The following IFT80 variants were observed in gnomAD, a reference collection of about 807,000 sequenced individuals.
IFT80 encodes intraflagellar transport protein 80 homolog.
A neutral mutation model predicts 107.9 loss-of-function variants in IFT80; 79 were observed. That is an observed-to-expected ratio of 0.73 (90% CI 0.61 to 0.88). IFT80 has a LOEUF of 0.88. Ranked by LOEUF, IFT80 falls within the 40% of genes least tolerant of loss-of-function variation. IFT80 has a pLI of 0.00. For synonymous variants in IFT80, 299 were observed against 300.9 expected (o/e 0.99, Z 0.07); for missense variants, 797 against 914.2 (o/e 0.87, Z 1.65).
At chr3:160,329,876 C>T (rs1718964635) in intron 8 of IFT80, among the ~76,000 whole-genome samples, 1 of 151,922 alleles carries the variant, frequency 6.6e-6, no homozygotes, top group African/African-American at 2.4e-5. Context: ...ATCCATGAAC[C>T]TAAGATGGGA....
intron 19 of IFT80, among the ~76,000 whole-genome samples, chr3:160,266,862 C>G (rs570464453): frequency 2.0e-5 from 3 of 152,078 alleles, no homozygotes; most frequent in African/African-American, 7.2e-5. Flanking sequence ...ATCAGATTAC[C>G]TGACCTTTGT....
chr3:160,335,641 C>A (rs1719414724), intron 8 of IFT80, among the ~76,000 whole-genome samples: 1 of 152,168 alleles, frequency 6.6e-6, no homozygotes, highest in African/African-American at 2.4e-5. Context: ...TTCCCTTAGG[C>A]AAATTTTCTT....
At chr3:160,330,304 C>A (rs539651661) in intron 8 of IFT80, among the ~76,000 whole-genome samples, 1 of 152,236 alleles carries the variant, frequency 6.6e-6, no homozygotes, top group South Asian at 2.1e-4. Context: ...GCCATTGTTT[C>A]AAGAGAAGAG....
chr3:160,398,486 G>A (rs1471982492), intron 1 of IFT80, among the ~76,000 whole-genome samples: 1 of 152,168 alleles, frequency 6.6e-6, no homozygotes, highest in Non-Finnish European at 1.5e-5. Context: ...TGAGCCAGTG[G>A]CTCTTTAACA....
intron 16 of IFT80, 44 bp downstream of exon 16, chr3:160,279,149 A>C: frequency 6.7e-7 from 1 of 1,502,798 alleles, no homozygotes; most frequent in Non-Finnish European, 9.2e-7. Context: ...AAGGTAAACT[A>C]CTATGAAATA....
chr3:160,292,475 CTTTTT>C (rs142116230), intron 12 of IFT80, among the ~76,000 whole-genome samples: 1 of 115,368 alleles, frequency 8.7e-6, no homozygotes, highest in Non-Finnish European at 1.7e-5. Context: ...AGAGAGATTC[CTTTTT>C]TTTTTTTTTT....
intron 15 of IFT80, among the ~76,000 whole-genome samples, chr3:160,280,021 C>T (rs1714564167): frequency 1.3e-5 from 2 of 152,082 alleles, no homozygotes; most frequent in South Asian, 4.2e-4. Context: ...TATTTTGATG[C>T]CTCTCTGGTT....
At chr3:160,267,468 A>C (rs752905146) in intron 19 of IFT80, among the ~76,000 whole-genome samples, 3 of 152,214 alleles carry the variant, frequency 2.0e-5, no homozygotes, top group Non-Finnish European at 4.4e-5. Flanking sequence ...GATATCATAC[A>C]TTTTTTGAAT....
At chr3:160,272,768 C>A (rs1258830576) in intron 18 of IFT80, among the ~76,000 whole-genome samples, 2 of 152,100 alleles carry the variant, frequency 1.3e-5, no homozygotes, top group East Asian at 3.8e-4. Flanking sequence ...ATATCCCACT[C>A]CCTACTGGGC....
chr3:160,392,753 A>C (rs1425994668), intron 1 of IFT80, among the ~76,000 whole-genome samples: 1 of 152,200 alleles, frequency 6.6e-6, no homozygotes, highest in Non-Finnish European at 1.5e-5. Context: ...TATGCTCACC[A>C]CAACAGCCCA....
In IFT80 at chr3:160,275,418, T is replaced by A. The variant is rs537574655; in HGVS notation, c.2099+1888A>T. 2.6e-5 allele frequency among the ~76,000 whole-genome samples: 4 copies of A among 152,334 alleles called. No homozygotes were observed. The East Asian group carries it at 7.7e-4, about 29-fold the overall frequency. ...ATTGTTTTTACTGGATTACTGTTTA[T>A]CTCTCTAATTATTTATCTTTGCAGA... On this transcript the variant is annotated intron_variant, in intron 18 of 19. Coordinates refer to ENST00000326448, the MANE Select transcript of IFT80 (RefSeq NM_020800.3).
chr3:160,262,220 G>A (rs1418214849), intron 19 of IFT80, among the ~76,000 whole-genome samples: 1 of 152,136 alleles, frequency 6.6e-6, no homozygotes, highest in Non-Finnish European at 1.5e-5. Context: ...GGAACTCTGG[G>A]TTACATAGCA....
At chr3:160,397,901 AG>A (rs1438430561) in intron 1 of IFT80, among the ~76,000 whole-genome samples, 2 of 151,738 alleles carry the variant, frequency 1.3e-5, no homozygotes, top group African/African-American at 4.8e-5. Flanking sequence ...TTTTATTTTT[AG>A]TAGAGACGGG....
At chr3:160,294,820 C>T (rs987756213) in intron 12 of IFT80, among the ~76,000 whole-genome samples, 2 of 152,216 alleles carry the variant, frequency 1.3e-5, no homozygotes, top group African/African-American at 4.8e-5. Context: ...GAACTATCCT[C>T]TCCGTATCTC....
Position 160,375,897 on chromosome 3 carries a change from AAATT to A in IFT80, c.371-21_371-18del. The A allele has an allele frequency of 6.5e-7, 1 of 1,535,400 alleles. No individual in the cohort carries two copies. Among genetic ancestry groups the A allele is most frequent in the Non-Finnish European group, 9.0e-7 (1 of 1,110,510 alleles). ...CTTCTCCAACTATACAGGGAAAAAA[AAATT>A]AATCAGTATTTTTACCTATAGAAAA... On this transcript the variant is annotated intron_variant, in intron 4 of 19. Coordinates refer to ENST00000326448, the MANE Select transcript of IFT80 (RefSeq NM_020800.3).
chr3:160,318,815 C>T (rs1421355410), intron 9 of IFT80, among the ~76,000 whole-genome samples: 1 of 151,972 alleles, frequency 6.6e-6, no homozygotes, highest in Non-Finnish European at 1.5e-5. Flanking sequence ...TCAGTCTGAC[C>T]TTCCTCTACT....
At chr3:160,355,041 C>A (rs1280482323) in intron 8 of IFT80, among the ~76,000 whole-genome samples, 1 of 152,224 alleles carries the variant, frequency 6.6e-6, no homozygotes, top group Non-Finnish European at 1.5e-5. Context: ...AACAGCCACA[C>A]TCAAACTCTT....
In IFT80 at chr3:160,384,368, G is replaced by C. The variant is rs917659528; in HGVS notation, c.37+196C>G. ...AACGTCAGTAAGAATTTTAAAATAA[G>C]ATTTATAGCAAACGGTTCACTTTGG... On this transcript the variant is annotated intron_variant, in intron 2 of 19. Coordinates refer to ENST00000326448, the MANE Select transcript of IFT80 (RefSeq NM_020800.3). 6.8e-6 allele frequency: 8 copies of C among 1,181,170 alleles called. No homozygotes were observed. In the African/African-American group the frequency reaches 1.1e-4, roughly 17 times the overall value. 73.2% of individuals were successfully genotyped at this position (1,181,170 alleles called of 1,614,324 possible). A position where few individuals can be genotyped will look rare whatever the true frequency, so the allele number is the denominator to read the frequency against.
At position 160,301,029 on chromosome 3, in the gene IFT80, TC is replaced by T; in HGVS notation, c.1168del (p.Asp390MetfsTer23). 6.3e-7 allele frequency: 1 copy of T among 1,579,000 alleles called. No homozygotes were observed. The highest frequency in any genetic ancestry group is 8.7e-7 in the Non-Finnish European group (1 of 1,154,808). The stretch of plus-strand genomic sequence containing the variant: ...TGAATATAAATAGATACTACTACCA[TC>T]TACAAGAAGAAAATGTCTAAAAAAT... ...LQAERHFLLV[D>X]GSSIYLYSYE... On this transcript the variant is annotated frameshift_variant, in exon 12 of 20. Transcript: ENST00000326448. LOFTEE classifies it high-confidence loss of function.
Sources: allele counts gnomAD v4.1 joint callset (sites outside exome capture counted in the v4.1 genomes callset), GRCh38; gene constraint gnomAD v4.1.1; transcripts MANE v1.5; gene names NCBI Gene and HGNC (gene_info 2026-07-23, HGNC 2026-07-21).